Variants in SYCP2 observed in about 807,000 individuals in gnomAD.
SYCP2 encodes the protein synaptonemal complex protein 2.
A neutral mutation model predicts 211.3 loss-of-function variants in SYCP2; 55 were observed. The ratio of observed to expected loss-of-function variants is 0.26; its 90% confidence interval spans 0.21 to 0.33. The LOEUF (loss-of-function observed/expected upper bound fraction) is 0.33, where lower values mean the gene tolerates loss of function less well. Among genes scored for constraint, SYCP2 ranks in the 10% least tolerant of loss-of-function variants. SYCP2 has a pLI of 1.00. For missense variants in SYCP2, 1,731 were observed against 1,752.0 expected (o/e 0.99, Z 0.21); for synonymous variants, 570 against 555.2 (o/e 1.03, Z -0.37).
chr20:59,912,115 T>C (rs1222593082), intron 13 of SYCP2: 1 of 418,834 alleles, frequency 2.4e-6, no homozygotes, highest in Non-Finnish European at 4.3e-6. Flanking sequence ...GATTCATACA[T>C]GATAAATCAA....
intron 33 of SYCP2, among the ~76,000 whole-genome samples, chr20:59,877,007 G>A (rs2059573351): frequency 6.6e-6 from 1 of 152,160 alleles, no homozygotes; most frequent in East Asian, 1.9e-4. Context: ...GTCAGGGATG[G>A]TGACAGGTGG....
chr20:59,903,266 C>T (rs917251823), intron 15 of SYCP2, among the ~76,000 whole-genome samples: 5 of 151,938 alleles, frequency 3.3e-5, no homozygotes, highest in Admixed American at 1.3e-4. Flanking sequence ...TACAAGAAAA[C>T]TTTGTTTTGT....
In SYCP2 at chr20:59,866,677, A is replaced by T. The variant is rs1568899085; in HGVS notation, c.4126-88T>A. On this transcript the variant is annotated intron_variant, in intron 39 of 44. Coordinates refer to ENST00000357552, the MANE Select transcript of SYCP2 (RefSeq NM_014258.4). ...AGTAACAGCAAATAATTTTCCACGAAATGTAAATTACTAAGAAGAACTTGG... is the reference window on the plus strand; with the variant it reads ...AGTAACAGCAAATAATTTTCCACGATATGTAAATTACTAAGAAGAACTTGG... The T allele has an allele frequency of 8.2e-6, 7 of 858,796 alleles. No individual in the cohort carries two copies. The East Asian group carries it at 1.9e-4, about 23-fold the overall frequency. The allele number at this position is 858,796 out of a possible 1,614,324, so 53.2% of individuals were successfully genotyped here.
intron 28 of SYCP2, 143 bp downstream of exon 28, chr20:59,881,802 G>T: frequency 3.6e-6 from 2 of 558,974 alleles, no homozygotes; most frequent in Non-Finnish European, 5.8e-6. Flanking sequence ...TACGTAGGCT[G>T]GTTATCCAAA....
At chr20:59,902,135 T>TA (rs1285088471) in intron 15 of SYCP2, among the ~76,000 whole-genome samples, 12 of 152,170 alleles carry the variant, frequency 7.9e-5, no homozygotes, top group Admixed American at 5.9e-4. Flanking sequence ...TTTCTTAATT[T>TA]AAAAAAAGGC....
intron 38 of SYCP2, 32 bp downstream of exon 38, chr20:59,868,381 T>C (rs1412487210): frequency 6.3e-7 from 1 of 1,585,642 alleles, no homozygotes; most frequent in Non-Finnish European, 8.5e-7. Flanking sequence ...TCCAAATAAC[T>C]GCATTTTGAT....
At chr20:59,872,902 A>G (rs1240308170) in intron 35 of SYCP2, among the ~76,000 whole-genome samples, 6 of 152,098 alleles carry the variant, frequency 3.9e-5, no homozygotes, top group Non-Finnish European at 8.8e-5. Flanking sequence ...AATTTAGTTG[A>G]AAACAGTGTA....
intron 15 of SYCP2, among the ~76,000 whole-genome samples, chr20:59,906,830 GAACAA>G (rs1203461265): frequency 6.6e-6 from 1 of 151,628 alleles, no homozygotes; most frequent in Non-Finnish European, 1.5e-5. Context: ...AATAAAAAAT[GAACAA>G]AATATTTAAA....
chr20:59,926,395 A>G (rs1601001746), intron 2 of SYCP2, among the ~76,000 whole-genome samples: 1 of 151,974 alleles, frequency 6.6e-6, no homozygotes, highest in Non-Finnish European at 1.5e-5. Flanking sequence ...GTAGCTGCCG[A>G]CATTCTTTGA....
intron 10 of SYCP2, among the ~76,000 whole-genome samples, chr20:59,914,869 CT>C (rs1352478653): frequency 4.0e-5 from 6 of 151,706 alleles, no homozygotes; most frequent in Non-Finnish European, 7.4e-5. Context: ...TTAATTTAAG[CT>C]TTATTAATTA....
chr20:59,895,900 T>C (rs895832246), intron 19 of SYCP2, among the ~76,000 whole-genome samples: 50 of 152,142 alleles, frequency 3.3e-4, no homozygotes, highest in Non-Finnish European at 5.6e-4. Context: ...TAAGTTGTCA[T>C]ATAGACTAAG....
chr20:59,932,896 C>G (rs2060791606), intron 1 of SYCP2, among the ~76,000 whole-genome samples: 1 of 152,076 alleles, frequency 6.6e-6, no homozygotes, highest in African/African-American at 2.4e-5. Context: ...AGGCGCCGAG[C>G]AGGAGGAAGG....
At chr20:59,896,379 T>C (rs2060007472) in intron 19 of SYCP2, 50 bp downstream of exon 19, 1 of 1,041,930 alleles carries the variant, frequency 9.6e-7, no homozygotes, top group Non-Finnish European at 1.4e-6. Context: ...AATTAAAAAA[T>C]GCCTCCTTTA....
At chr20:59,932,473 C>A (rs995377230) in intron 1 of SYCP2, among the ~76,000 whole-genome samples, 1 of 152,018 alleles carries the variant, frequency 6.6e-6, no homozygotes, top group Non-Finnish European at 1.5e-5. Flanking sequence ...GTCAGGAGTT[C>A]GAGACCAGCC....
Position 59,867,754 on chromosome 20 carries a change from T to C in SYCP2, c.4082A>G (p.Glu1361Gly), listed in dbSNP as rs1257295649. 6.2e-7 allele frequency: 1 copy of C among 1,610,122 alleles called. No individual in the cohort carries two copies. Among genetic ancestry groups the C allele is most frequent in the South Asian group, 1.1e-5 (1 of 90,934 alleles). ...NEFAGIEMTYETYERLNSEFK... is the reference protein window; with the variant it reads ...NEFAGIEMTYGTYERLNSEFK... The stretch of plus-strand genomic sequence containing the variant: ...TTCTGAATTGAGCCTCTCGTAAGTC[T>C]CATAAGTCATCTCTATCCCTGCAAA... Residue 1361 changes from glutamate to glycine, a missense_variant, in exon 39 of 45, where the codon GAG (glutamate) becomes GGG (glycine). Transcript: ENST00000357552.
At chr20:59,883,667 A>C (rs2059728941) in intron 26 of SYCP2, among the ~76,000 whole-genome samples, 1 of 152,074 alleles carries the variant, frequency 6.6e-6, no homozygotes, top group Non-Finnish European at 1.5e-5. Context: ...ATCTATAGAC[A>C]TAAGATAATA....
At chr20:59,876,418 G>GTGATAGAA in intron 33 of SYCP2, among the ~76,000 whole-genome samples, 1 of 80,816 alleles carries the variant, frequency 1.2e-5, no homozygotes, top group African/African-American at 4.2e-5. Context: ...AAAAGAAGAA[G>GTGATAGAA]TGATAGAAAA....
Position 59,892,274 on chromosome 20 carries a change from T to C in SYCP2, c.2080A>G (p.Asn694Asp). ...TATTTAGGATGATTTTGTTGCTGAT[T>C]GTGTTTCTTGCAAACTTCTACTTCT... is the stretch of plus-strand genomic sequence containing the variant. The part of the protein sequence containing the change: ...KAEVEVCKKH[N>D]QQQNHPKYSG... The change falls in exon 24 of 45, where the codon AAT (asparagine) becomes GAT (aspartate). Residue 694 changes from asparagine (N) to aspartate (D), a missense_variant. Physicochemically the swap from Asn to Asp is conservative, Grantham distance 23 (BLOSUM62 1). Transcript: ENST00000357552. The C allele has an allele frequency of 6.2e-7, 1 of 1,612,824 alleles. No individual in the cohort carries two copies. Among genetic ancestry groups the C allele is most frequent in the Non-Finnish European group, 8.5e-7 (1 of 1,179,226 alleles).
Position 59,911,824 on chromosome 20 carries a change from T to C in SYCP2, c.898A>G (p.Lys300Glu). The C allele has an allele frequency of 6.3e-7, 1 of 1,578,630 alleles. No individual in the cohort carries two copies. Among genetic ancestry groups the C allele is most frequent in the Non-Finnish European group, 8.6e-7 (1 of 1,156,746 alleles). The change falls in exon 14 of 45, where the codon AAA becomes GAA. Residue 300 changes from lysine to glutamate, a missense_variant. By Grantham distance (56) the Lys-to-Glu change is moderately conservative. Around this residue, in one of 3 missense-constraint regions of SYCP2, gnomAD observed 335 missense variants for 378.8 expected, o/e 0.88. Transcript: ENST00000357552. ...AAATCAATCCAAAATTCCTCAAGTT[T>C]TTCATCTGATGGTATTTGCAGCTAA... ...KYELQIPSDE[K>E]LEEFWIDFNL... is the part of the protein sequence containing the mutation.
Sources: gnomAD v4.1 joint callset for allele counts (sites outside exome capture counted in the v4.1 genomes callset) on GRCh38, gnomAD v4.1.1 for gene constraint, gnomAD v4.1.1 regional missense constraint, MANE v1.5 for transcripts, NCBI Gene and HGNC (gene_info 2026-07-23, HGNC 2026-07-21) for gene names.